Variants in CFAP100 observed in about 807,000 individuals in gnomAD.
CFAP100 encodes the protein cilia and flagella associated protein 100.
A neutral mutation model predicts 81.5 loss-of-function variants in CFAP100; 70 were observed. The ratio of observed to expected loss-of-function variants is 0.86; its 90% CI spans 0.71 to 1.05. The LOEUF (loss-of-function observed/expected upper bound fraction) is 1.05. Ranked by LOEUF, CFAP100 falls within the 50% of genes least tolerant of loss-of-function variation. The pLI is 0.00. For synonymous variants in CFAP100, 341 were observed against 314.8 expected, an observed-to-expected ratio of 1.08 and a Z score of -0.88; for missense variants, 811 against 776.5, an observed-to-expected ratio of 1.04 and a Z score of -0.53.
In CFAP100 at chr3:126,426,833, T is replaced by G. The variant is rs146156691; in HGVS notation, c.1286+3189T>G. The stretch of plus-strand genomic sequence containing the variant: ...AGAAGCAAGGTTGCAGGATACAAGA[T>G]TAACATACAAAAGTCAATGGCTTTC... On this transcript the variant is annotated intron_variant, in intron 13 of 16. Transcript: ENST00000352312. Among the ~76,000 whole-genome samples the G allele has an allele frequency of 2.9e-4, 44 of 152,326 alleles. 1 individual carries two copies. In the East Asian group the frequency reaches 7.5e-3, roughly 26 times the overall value.
intron 13 of CFAP100, 21 bp downstream of exon 13, chr3:126,423,665 A>C (rs780061904): frequency 6.2e-7 from 1 of 1,613,354 alleles, no homozygotes; most frequent in South Asian, 1.1e-5. Context: ...TGCGGTGGCC[A>C]GTGGGGGCTC....
rs544925573 is a variant in CFAP100 at position 126,416,671 on chromosome 3, G to A, written c.418+163G>A. Reference sequence around the variant, plus strand: ...CTTTCTGTGTTTGGCCTCTCCAGGGGGGTCCCAAAGCTCTATTCCAGGATT... The same window carrying A: ...CTTTCTGTGTTTGGCCTCTCCAGGGAGGTCCCAAAGCTCTATTCCAGGATT... On this transcript the variant is annotated intron_variant, in intron 5 of 16. Transcript: ENST00000352312. 9.0e-5 allele frequency: 53 copies of A among 586,484 alleles called. No homozygotes were observed. In the East Asian group the frequency reaches 1.6e-3, roughly 18 times the overall value. The allele number at this position is 586,484 out of a possible 1,614,324, so 36.3% of individuals were successfully genotyped here. A position where few individuals can be genotyped will look rare whatever the true frequency, so the allele number is the denominator to read the frequency against.
chr3:126,414,775 C>G (rs753277613), intron 4 of CFAP100, among the ~76,000 whole-genome samples: 3 of 152,244 alleles, frequency 2.0e-5, no homozygotes, highest in Non-Finnish European at 2.9e-5. Flanking sequence ...GGGGACAGCC[C>G]ACTCTTGCTG....
chr3:126,414,256 C>T (rs1382233990), intron 4 of CFAP100, 77 bp downstream of exon 4: 2 of 1,002,838 alleles, frequency 2.0e-6, no homozygotes, highest in African/African-American at 3.2e-5. Flanking sequence ...CCACATTGCC[C>T]TTCTCAGAGG....
At position 126,395,941 on chromosome 3, in the gene CFAP100, G is replaced by T; in HGVS notation, c.-59-1G>T. On this transcript the variant is annotated splice_acceptor_variant, in intron 1 of 16. Transcript: ENST00000352312. LOFTEE classifies it low-confidence loss of function (5UTR_SPLICE). ...GGCTCAAGCACTGTGTCACTCCTCA[G>T]GTGAGGATCTCCTTTAGAAGAGGAG... The T allele has an allele frequency of 7.0e-7, 1 of 1,433,606 alleles. No individual in the cohort carries two copies. Among genetic ancestry groups the T allele is most frequent in the Non-Finnish European group, 9.8e-7 (1 of 1,016,646 alleles). 88.8% of individuals were successfully genotyped at this position (1,433,606 alleles called of 1,614,324 possible).
intron 3 of CFAP100, among the ~76,000 whole-genome samples, chr3:126,411,740 G>A (rs531238058): frequency 1.3e-5 from 2 of 152,060 alleles, no homozygotes; most frequent in Non-Finnish European, 2.9e-5. Context: ...TATTTCTGTG[G>A]TGGTGGATGA....
intron 13 of CFAP100, among the ~76,000 whole-genome samples, chr3:126,425,105 G>A (rs2083388026): frequency 6.6e-6 from 1 of 152,242 alleles, no homozygotes; most frequent in South Asian, 2.1e-4. Flanking sequence ...GATGAGCTGG[G>A]GAGAGGTGGA....
chr3:126,406,145 G>A (rs1439967240), intron 2 of CFAP100, among the ~76,000 whole-genome samples: 1 of 152,062 alleles, frequency 6.6e-6, no homozygotes, highest in Non-Finnish European at 1.5e-5. Context: ...TCTCCCGACC[G>A]CCTCTGCCTC....
At chr3:126,429,629 T>TC (rs76748428) in intron 13 of CFAP100, among the ~76,000 whole-genome samples, 3 of 151,850 alleles carry the variant, frequency 2.0e-5, no homozygotes, top group African/African-American at 4.8e-5. Flanking sequence ...TAGGTTTTTT[T>TC]TTTTGTACTT....
At chr3:126,424,937 C>T (rs1200020498) in intron 13 of CFAP100, among the ~76,000 whole-genome samples, 1 of 152,194 alleles carries the variant, frequency 6.6e-6, no homozygotes, top group Non-Finnish European at 1.5e-5. Flanking sequence ...GAGGTGGGAG[C>T]CCACTGAGGC....
At chr3:126,428,556 T>C (rs755177585) in intron 13 of CFAP100, among the ~76,000 whole-genome samples, 3 of 152,206 alleles carry the variant, frequency 2.0e-5, no homozygotes, top group Non-Finnish European at 4.4e-5. Context: ...ACTGATTGTA[T>C]CAAATGTGCT....
intron 2 of CFAP100, among the ~76,000 whole-genome samples, chr3:126,403,252 T>C (rs1401175003): frequency 1.3e-5 from 2 of 152,098 alleles, no homozygotes; most frequent in South Asian, 4.2e-4. Context: ...ACTGAAGCCA[T>C]GGGCACTGGT....
rs750481704 is a variant in CFAP100, at chr3:126,416,512, C to T, written c.418+4C>T. 2.9e-5 allele frequency: 45 copies of T among 1,566,774 alleles called. 3 individuals carry two copies. In the South Asian group the frequency reaches 4.7e-4, roughly 17 times the overall value. ...TGGAAGCTCACCTTGACCAAAGGTG[C>T]GTCCCCTCCGGCGCGGGGGGACCTG... On this transcript the variant is annotated splice_donor_region_variant and intron_variant, in intron 5 of 16. Transcript: ENST00000352312.
chr3:126,431,131 T>C (rs1277330357), intron 13 of CFAP100, among the ~76,000 whole-genome samples: 2 of 152,198 alleles, frequency 1.3e-5, no homozygotes, highest in East Asian at 1.9e-4. Flanking sequence ...GTGGGGTCTG[T>C]GGGCAGGGCC....
rs1933377359 is a variant in CFAP100, at chr3:126,434,711, G to A, written c.1628+330G>A. ...TCAAATACATGGAACAGCAGTGGAG[G>A]GCTTTAAGCAGTGGGGCAAACACGG... On this transcript the variant is annotated intron_variant, in intron 15 of 16. Coordinates refer to ENST00000352312, the MANE Select transcript of CFAP100 (RefSeq NM_182628.3). 1.5e-5 allele frequency: 4 copies of A among 272,198 alleles called. No individual in the cohort carries two copies. In the South Asian group the frequency reaches 1.6e-4, roughly 11 times the overall value. The allele number at this position is 272,198 out of a possible 1,614,324, so 16.9% of individuals were successfully genotyped here. A position where few individuals can be genotyped will look rare whatever the true frequency, so the allele number is the denominator to read the frequency against.
intron 10 of CFAP100, 36 bp from the exon 11 acceptor site, chr3:126,420,067 C>T (rs1475855248): frequency 1.9e-6 from 3 of 1,613,180 alleles, no homozygotes; most frequent in Admixed American, 1.7e-5. Flanking sequence ...CTCTGCCCTG[C>T]ACAGGGCTCG....
At chr3:126,426,453 T>TAA in intron 13 of CFAP100, among the ~76,000 whole-genome samples, 1 of 111,738 alleles carries the variant, frequency 8.9e-6, no homozygotes. Flanking sequence ...AGACCCTGTC[T>TAA]TAAAAAAAAA....
At chr3:126,400,541 C>T (rs2082957937) in intron 2 of CFAP100, among the ~76,000 whole-genome samples, 1 of 152,030 alleles carries the variant, frequency 6.6e-6, no homozygotes, top group Non-Finnish European at 1.5e-5. Context: ...ATCACGAGGT[C>T]AGGAGATTGA....
Position 126,420,163 on chromosome 3 carries a change from C to T in CFAP100, c.1016C>T (p.Pro339Leu), listed in dbSNP as rs1298153851. The change falls in exon 11 of 17, where the codon CCG (proline) becomes CTG (leucine). Residue 339 changes from proline to leucine, a missense_variant. Transcript: ENST00000352312. Reference protein sequence around the residue: ...FLQTMRLGRSPSYLSSPQQGS... With the variant: ...FLQTMRLGRSLSYLSSPQQGS... ...CAGACGATGCGGCTGGGGCGGAGCC[C>T]GTCTTACCTGAGCAGCCCCCAGCAA... 3.7e-6 allele frequency: 6 copies of T among 1,612,642 alleles called. No homozygotes were observed. Among genetic ancestry groups the T allele is most frequent in the Admixed American group, 3.3e-5 (2 of 60,006 alleles).
Sources: gnomAD v4.1 joint callset for allele counts (sites outside exome capture counted in the v4.1 genomes callset) on GRCh38, gnomAD v4.1.1 for gene constraint, MANE v1.5 for transcripts, NCBI Gene and HGNC (gene_info 2026-07-23, HGNC 2026-07-21) for gene names.